The following SERINC5 variants were observed in gnomAD, a reference collection of about 807,000 sequenced individuals.
SERINC5 encodes the protein chromosome 5 open reading frame 12.
SERINC5 carries 41 observed loss-of-function variants against 63.1 expected under a neutral mutation model. That is an observed-to-expected ratio of 0.65 (90% CI 0.51 to 0.84). The LOEUF is 0.84. Ranked by LOEUF, SERINC5 falls within the 40% of genes least tolerant of loss-of-function variation. The pLI is 0.00. For synonymous variants in SERINC5, 222 were observed against 215.2 expected (o/e 1.03, Z -0.28); for missense variants, 523 against 573.0 (o/e 0.91, Z 0.89).
chr5:80,181,578 A>C (rs1748431305), intron 2 of SERINC5, among the ~76,000 whole-genome samples: 1 of 152,200 alleles, frequency 6.6e-6, no homozygotes. Flanking sequence ...CATTTTCATG[A>C]AGACATGTGA....
intron 2 of SERINC5, among the ~76,000 whole-genome samples, chr5:80,180,588 C>A (rs4704622): frequency 0.13 from 19,720 of 152,116 alleles, 2,330 homozygotes; most frequent in East Asian, 0.58. Flanking sequence ...CTGTGGCTGG[C>A]GCTCCCAAAG....
intron 1 of SERINC5, among the ~76,000 whole-genome samples, chr5:80,213,715 A>G (rs1750538550): frequency 6.6e-6 from 1 of 152,174 alleles, no homozygotes; most frequent in Non-Finnish European, 1.5e-5. Context: ...GTGAACATGG[A>G]TGGCTTCTTC....
chr5:80,143,534 T>C lies in SERINC5; in HGVS notation c.*129A>G. 2.9e-6 allele frequency: 4 copies of C among 1,370,412 alleles called. No individual in the cohort carries two copies. Among genetic ancestry groups the C allele is most frequent in the Non-Finnish European group, 3.8e-6 (4 of 1,064,394 alleles). 84.9% of individuals were successfully genotyped at this position (1,370,412 alleles called of 1,614,324 possible). A position where few individuals can be genotyped will look rare whatever the true frequency, so the allele number is the denominator to read the frequency against. On this transcript the variant is annotated 3_prime_UTR_variant, in exon 12 of 12. Coordinates refer to ENST00000507668, the MANE Select transcript of SERINC5 (RefSeq NM_001174072.3). ...TAAAAAGCTAATCAGGAGATTTTTT[T>C]TTTTCTCTCTCAAAGCTTTTTCAGA...
chr5:80,216,680 A>G (rs577724804), intron 1 of SERINC5, among the ~76,000 whole-genome samples: 1 of 152,158 alleles, frequency 6.6e-6, no homozygotes, highest in South Asian at 2.1e-4. Context: ...ACTGGGAGAA[A>G]ACAAAAGTAC....
At chr5:80,116,871 C>T (rs115477794) in intron 11 of SERINC5, among the ~76,000 whole-genome samples, 11,583 of 151,574 alleles carry the variant, frequency 0.076, 581 homozygotes, top group East Asian at 0.19. Flanking sequence ...CTCTCTCGCC[C>T]AGGCTGGAGT....
intron 1 of SERINC5, among the ~76,000 whole-genome samples, chr5:80,225,326 A>C (rs2112549600): frequency 6.6e-6 from 1 of 152,282 alleles, no homozygotes; most frequent in Non-Finnish European, 1.5e-5. Context: ...ACACAGACAA[A>C]CCTATTAAAT....
At chr5:80,135,493 T>C (rs1745130319), downstream of SERINC5, among the ~76,000 whole-genome samples, 1 of 152,158 alleles carries the variant, frequency 6.6e-6, no homozygotes, top group Non-Finnish European at 1.5e-5. Context: ...CCCACATTCC[T>C]TGTACAATGT....
Position 80,142,722 on chromosome 5 carries a change from A to C in SERINC5, c.*941T>G, listed in dbSNP as rs995048549. On this transcript the variant is annotated 3_prime_UTR_variant, in exon 12 of 12. Coordinates refer to ENST00000507668, the MANE Select transcript of SERINC5 (RefSeq NM_001174072.3). ...AGAAAAAACTGAGGGGCTGACCTCA[A>C]CAACTGAAAGAGCAGTGCATGCAGC... 2.0e-6 allele frequency: 2 copies of C among 985,372 alleles called. No homozygotes were observed. Among genetic ancestry groups the C allele is most frequent in the Non-Finnish European group, 2.4e-6 (2 of 829,950 alleles). 61.0% of individuals were successfully genotyped at this position (985,372 alleles called of 1,614,324 possible).
intron 1 of SERINC5, among the ~76,000 whole-genome samples, chr5:80,220,036 C>T (rs1408581072): frequency 5.3e-5 from 8 of 152,024 alleles, no homozygotes; most frequent in Non-Finnish European, 8.8e-5. Context: ...GGCCAAACCC[C>T]GCCTCTACTA....
intron 11 of SERINC5, among the ~76,000 whole-genome samples, chr5:80,131,392 A>G (rs996794291): frequency 1.3e-5 from 2 of 152,192 alleles, no homozygotes; most frequent in African/African-American, 4.8e-5. Flanking sequence ...TTTTTCATTT[A>G]TAAATTACCC....
intron 1 of SERINC5, among the ~76,000 whole-genome samples, chr5:80,224,880 T>G (rs1224163144): frequency 6.6e-6 from 1 of 151,218 alleles, no homozygotes; most frequent in Non-Finnish European, 1.5e-5. Flanking sequence ...TGCCTTGGCC[T>G]CCCAAAGTGC....
At chr5:80,128,032 T>A (rs1398893965) in intron 11 of SERINC5, among the ~76,000 whole-genome samples, 1 of 152,226 alleles carries the variant, frequency 6.6e-6, no homozygotes, top group East Asian at 1.9e-4. Context: ...ATCTTATAAA[T>A]TTTTACTAAT....
chr5:80,249,347 T>C (rs546246094), intron 1 of SERINC5, among the ~76,000 whole-genome samples: 56 of 150,410 alleles, frequency 3.7e-4, no homozygotes, highest in Non-Finnish European at 7.2e-4. Flanking sequence ...AGTTTGAAGG[T>C]AGAAGACTAT....
chr5:80,181,416 T>TTGTGTGTGTGTGTGTGTGTG (rs70982028), intron 2 of SERINC5, among the ~76,000 whole-genome samples: 76 of 145,438 alleles, frequency 5.2e-4, no homozygotes, highest in African/African-American at 1.9e-3. Context: ...TCAGCTAATT[T>TTGTGTGTGTGTGTGTGTGTG]TGTGTGTGTG....
chr5:80,142,729 A>G lies in SERINC5; in HGVS notation c.*934T>C. 1 of 985,484 alleles carries G rather than the reference A, an allele frequency of 1.0e-6. No individual in the cohort carries two copies. The highest frequency in any genetic ancestry group is 1.2e-6 in the Non-Finnish European group (1 of 829,940). 61.0% of individuals were successfully genotyped at this position (985,484 alleles called of 1,614,324 possible). A position where few individuals can be genotyped will look rare whatever the true frequency, so the allele number is the denominator to read the frequency against. ...ACTGAGGGGCTGACCTCAACAACTG[A>G]AAGAGCAGTGCATGCAGCAGGCTTC... is the stretch of plus-strand genomic sequence containing the variant. On this transcript the variant is annotated 3_prime_UTR_variant, in exon 12 of 12. Transcript: ENST00000507668.
intron 11 of SERINC5, among the ~76,000 whole-genome samples, chr5:80,144,239 G>A (rs1377615252): frequency 1.3e-5 from 2 of 152,150 alleles, no homozygotes; most frequent in Admixed American, 6.6e-5. Flanking sequence ...AGCACATTTT[G>A]TTTAGGCAGT....
chr5:80,151,157 G>A (rs77320092), intron 8 of SERINC5, among the ~76,000 whole-genome samples: 3,182 of 152,290 alleles, frequency 0.021, 116 homozygotes, highest in African/African-American at 0.071. Context: ...TACATGGATT[G>A]CATTAGATCA....
At chr5:80,235,270 C>A (rs1011533676) in intron 1 of SERINC5, among the ~76,000 whole-genome samples, 9 of 152,122 alleles carry the variant, frequency 5.9e-5, no homozygotes, top group African/African-American at 2.2e-4. Context: ...ACAAGTTTTC[C>A]TTCTTTATTA....
chr5:80,209,764 G>A lies in SERINC5; in HGVS notation c.28-6711C>T, dbSNP rs143947438. Among the ~76,000 whole-genome samples the A allele has an allele frequency of 3.0e-4, 45 of 152,222 alleles. 2 individuals are homozygous for A. In the East Asian group the frequency reaches 8.2e-3, roughly 28 times the overall value. On this transcript the variant is annotated intron_variant, in intron 1 of 11. Coordinates refer to ENST00000507668, the MANE Select transcript of SERINC5 (RefSeq NM_001174072.3). ...TGACTACTTGAGAAAAGTAAACGGC[G>A]CGTGGTGGCTCATGCCTGTAATCCC...
Sources: gnomAD v4.1 joint callset for allele counts (sites outside exome capture counted in the v4.1 genomes callset) on GRCh38, gnomAD v4.1.1 for gene constraint, MANE v1.5 for transcripts, NCBI Gene and HGNC (gene_info 2026-07-23, HGNC 2026-07-21) for gene names.